Variants in CTNND2 observed in about 807,000 individuals in gnomAD.
CTNND2 encodes catenin delta-2.
CTNND2 carries 22 observed loss-of-function variants against 144.4 expected under a neutral mutation model. The ratio of observed to expected loss-of-function variants is 0.15; its 90% CI spans 0.11 to 0.22. The LOEUF (loss-of-function observed/expected upper bound fraction) is 0.22. Among genes scored for constraint, CTNND2 ranks in the 10% least tolerant of loss-of-function variants. The pLI, the probability that CTNND2 is intolerant of heterozygous loss-of-function variation, is 1.00. For missense variants in CTNND2, 1,353 were observed against 1,618.8 expected (o/e 0.84, Z 2.82); for synonymous variants, 751 against 695.6 (o/e 1.08, Z -1.25).
chr5:11,019,026 T>C (rs1741942285), intron 17 of CTNND2, among the ~76,000 whole-genome samples: 1 of 152,200 alleles, frequency 6.6e-6, no homozygotes, highest in African/African-American at 2.4e-5. Context: ...AATTATATGA[T>C]GGCTTGGTGA....
At chr5:11,525,990 C>T (rs1054145107) in intron 3 of CTNND2, among the ~76,000 whole-genome samples, 14 of 152,282 alleles carry the variant, frequency 9.2e-5, no homozygotes, top group South Asian at 2.1e-4. Context: ...CTACAACCTC[C>T]GTCTCCCAGG....
chr5:11,437,007 C>G (rs1237980990), intron 3 of CTNND2, among the ~76,000 whole-genome samples: 1 of 152,134 alleles, frequency 6.6e-6, no homozygotes, highest in Non-Finnish European at 1.5e-5. Flanking sequence ...AATAAACTCA[C>G]TAGTTTCTCT....
intron 9 of CTNND2, among the ~76,000 whole-genome samples, chr5:11,310,387 C>CT (rs1473054712): frequency 6.6e-6 from 1 of 151,960 alleles, no homozygotes; most frequent in Non-Finnish European, 1.5e-5. Context: ...TCCCCTCAAA[C>CT]TTAGTTTCTC....
intron 16 of CTNND2, among the ~76,000 whole-genome samples, chr5:11,031,247 T>C (rs1743444007): frequency 6.6e-6 from 1 of 152,172 alleles, no homozygotes; most frequent in Admixed American, 6.5e-5. Context: ...TGCCTCTGTG[T>C]TTGTGTCACT....
At chr5:11,552,228 C>G (rs1274064208) in intron 3 of CTNND2, among the ~76,000 whole-genome samples, 2 of 152,190 alleles carry the variant, frequency 1.3e-5, no homozygotes, top group African/African-American at 4.8e-5. Flanking sequence ...AAGGCCCACT[C>G]CAAGGTATCC....
chr5:11,509,465 C>T (rs1218101639), intron 3 of CTNND2, among the ~76,000 whole-genome samples: 2 of 151,148 alleles, frequency 1.3e-5, no homozygotes, highest in Non-Finnish European at 2.9e-5. Flanking sequence ...ACTTTAAGGG[C>T]AAAAAAGGCA....
chr5:11,510,924 C>A (rs978059187), intron 3 of CTNND2, among the ~76,000 whole-genome samples: 1 of 121,338 alleles, frequency 8.2e-6, no homozygotes, highest in African/African-American at 3.4e-5. Context: ...GAAAGAGACT[C>A]TATCTCAAAA....
intron 1 of CTNND2, among the ~76,000 whole-genome samples, chr5:11,853,382 C>A (rs73048726): frequency 0.035 from 5,312 of 152,280 alleles, 341 homozygotes; most frequent in African/African-American, 0.12. Flanking sequence ...TTGTCTCCCC[C>A]TCTCCCTGGC....
Position 11,534,296 on chromosome 5 carries a change from T to C in CTNND2, c.287+30648A>G, listed in dbSNP as rs969553304. ...TTGGAGGAAAATCTAGGGAACAGTG[T>C]AGCCCATAAGAGCAGGGGACAGAAA... On this transcript the variant is annotated intron_variant, in intron 3 of 21. Coordinates refer to ENST00000304623, the MANE Select transcript of CTNND2 (RefSeq NM_001332.4). Among the ~76,000 whole-genome samples the C allele has an allele frequency of 1.3e-5, 2 of 152,152 alleles. 1 individual carries two copies. Among genetic ancestry groups the C allele is most frequent in the Non-Finnish European group, 2.9e-5 (2 of 68,038 alleles).
At chr5:11,635,238 A>G (rs967633138) in intron 2 of CTNND2, among the ~76,000 whole-genome samples, 1 of 152,158 alleles carries the variant, frequency 6.6e-6, no homozygotes, top group African/African-American at 2.4e-5. Flanking sequence ...TGGAACAAAA[A>G]TGAGTGTGGG....
intron 9 of CTNND2, among the ~76,000 whole-genome samples, chr5:11,239,678 T>G (rs1580677839): frequency 6.6e-6 from 1 of 152,358 alleles, no homozygotes; most frequent in South Asian, 2.1e-4. Context: ...CGCCCACTCC[T>G]GCCTCACAGG....
intron 16 of CTNND2, among the ~76,000 whole-genome samples, chr5:11,027,774 C>T (rs906689321): frequency 1.3e-5 from 2 of 152,140 alleles, no homozygotes; most frequent in Non-Finnish European, 2.9e-5. Context: ...CACCAAGGTA[C>T]CCCAAGGGAC....
chr5:11,862,070 A>C (rs1795530250), intron 1 of CTNND2, among the ~76,000 whole-genome samples: 1 of 152,182 alleles, frequency 6.6e-6, no homozygotes, highest in South Asian at 2.1e-4. Context: ...CTCATTAGAT[A>C]ATCTATACTC....
At chr5:11,834,481 A>G (rs1432490278) in intron 1 of CTNND2, among the ~76,000 whole-genome samples, 1 of 152,210 alleles carries the variant, frequency 6.6e-6, no homozygotes, top group East Asian at 1.9e-4. Flanking sequence ...TATGTTAATT[A>G]ACTTGAATTA....
intron 2 of CTNND2, among the ~76,000 whole-genome samples, chr5:11,653,181 T>A (rs1782735955): frequency 6.6e-6 from 1 of 151,900 alleles, no homozygotes; most frequent in South Asian, 2.1e-4. Flanking sequence ...TCTTGACTAT[T>A]ATTAACAATG....
intron 1 of CTNND2, among the ~76,000 whole-genome samples, chr5:11,820,596 T>C (rs1449816535): frequency 6.6e-6 from 1 of 152,206 alleles, no homozygotes; most frequent in South Asian, 2.1e-4. Context: ...GAAATTCTCT[T>C]GACTGCTTAC....
chr5:11,877,500 A>T (rs1735651968), intron 1 of CTNND2, among the ~76,000 whole-genome samples: 1 of 152,160 alleles, frequency 6.6e-6, no homozygotes, highest in East Asian at 1.9e-4. Flanking sequence ...AGAAATAAGC[A>T]TATGTAATTT....
intron 10 of CTNND2, among the ~76,000 whole-genome samples, chr5:11,219,311 T>G (rs1739539170): frequency 6.6e-6 from 1 of 152,228 alleles, no homozygotes; most frequent in African/African-American, 2.4e-5. Flanking sequence ...CCATGTTTCC[T>G]CCCTTCCTGA....
intron 1 of CTNND2, among the ~76,000 whole-genome samples, chr5:11,828,593 C>T (rs757491283): frequency 6.6e-6 from 1 of 152,148 alleles, no homozygotes; most frequent in Non-Finnish European, 1.5e-5. Flanking sequence ...ACTGCTGTCA[C>T]CCATGTAAGA....
Sources: gnomAD v4.1 joint callset for allele counts (sites outside exome capture counted in the v4.1 genomes callset) on GRCh38, gnomAD v4.1.1 for gene constraint, MANE v1.5 for transcripts, NCBI Gene and HGNC (gene_info 2026-07-23, HGNC 2026-07-21) for gene names.